Variants in AGAP4 observed in about 807,000 individuals in gnomAD.
The protein encoded by AGAP4 is ArfGAP with GTPase domain, ankyrin repeat and PH domain 4.
In AGAP4, 13 loss-of-function variants were observed where a neutral mutation model predicts 60.7. The observed-to-expected ratio is 0.21, with a 90% CI of 0.14 to 0.34. The LOEUF is 0.34. Ranked by LOEUF, AGAP4 falls within the 10% of genes least tolerant of loss-of-function variation. AGAP4 has a pLI of 1.00. For synonymous variants in AGAP4, 70 were observed against 339.0 expected, an observed-to-expected ratio of 0.21 and a Z score of 8.72; for missense variants, 169 against 884.0, an observed-to-expected ratio of 0.19 and a Z score of 10.26.
At chr10:45,854,318 C>T (rs1309390524), upstream of AGAP4, 1 of 155,100 alleles carries the variant, frequency 6.4e-6, no homozygotes, top group Non-Finnish European at 1.4e-5. Context: ...CACTAATCCC[C>T]TCATTTTCTC....
intron 1 of AGAP4, chr10:45,853,585 T>C: frequency 7.9e-7 from 1 of 1,269,114 alleles, no homozygotes; most frequent in Non-Finnish European, 1.0e-6. Context: ...ATTGTGCAAT[T>C]ATCATTCTAC....
chr10:45,838,027 C>A (rs1292033917), intron 4 of AGAP4, among the ~76,000 whole-genome samples: 2 of 150,950 alleles, frequency 1.3e-5, no homozygotes, highest in Non-Finnish European at 2.9e-5. Flanking sequence ...AATATGGAAC[C>A]AGCTCAAATG....
Position 45,825,888 on chromosome 10 carries a change from G to C in AGAP4, c.*27C>G, listed in dbSNP as rs2058636738. The C allele has an allele frequency of 7.6e-7, 1 of 1,316,514 alleles. No individual in the cohort carries two copies. Among genetic ancestry groups the C allele is most frequent in the Non-Finnish European group, 1.0e-6 (1 of 973,716 alleles). The allele number at this position is 1,316,514 out of a possible 1,614,324, so 81.6% of individuals were successfully genotyped here. A position where few individuals can be genotyped will look rare whatever the true frequency, so the allele number is the denominator to read the frequency against. On this transcript the variant is annotated 3_prime_UTR_variant, in exon 8 of 8. Transcript: ENST00000616763. ...TTTTCCCATTTTGTTTTTGCACCAA[G>C]GAGACTGCAGTCAAATAAAACAGAT...
chr10:45,847,636 C>T (rs1325778320), upstream of AGAP4: 1 of 1,385,444 alleles, frequency 7.2e-7, no homozygotes, highest in Non-Finnish European at 9.4e-7. Flanking sequence ...CCAACAAGTG[C>T]TGAGAGACAC....
chr10:45,853,686 T>G (rs1273603175), exon 1 of AGAP4: 6 of 1,287,610 alleles, frequency 4.7e-6, no homozygotes, highest in Non-Finnish European at 5.1e-6. Context: ...CCAGAAGCCC[T>G]TTGGATGTTG....
Position 45,826,920 on chromosome 10 carries a change from G to C in AGAP4, c.1056C>G (p.Cys352Trp). ...GKWPSLATSA[C>W]TPISTSKSNG... is the part of the protein sequence containing the mutation. Reference sequence around the variant, plus strand: ...TGCTTTTAGAGGTGGAGATGGGTGTGCAGGCCGATGTGGCTAGGGATGGCC... The same window carrying C: ...TGCTTTTAGAGGTGGAGATGGGTGTCCAGGCCGATGTGGCTAGGGATGGCC... The change falls in exon 8 of 8, where the codon TGC becomes TGG. Residue 352 changes from cysteine to tryptophan, a missense_variant. Physicochemically the swap from Cys to Trp is radical, Grantham distance 215 (BLOSUM62 -2). Transcript: ENST00000616763. The C allele has an allele frequency of 7.4e-7, 1 of 1,351,182 alleles. No homozygotes were observed. Among genetic ancestry groups the C allele is most frequent in the Admixed American group, 1.8e-5 (1 of 55,612 alleles). The allele number at this position is 1,351,182 out of a possible 1,614,324, so 83.7% of individuals were successfully genotyped here.
At position 45,844,950 on chromosome 10, in the gene AGAP4, G is replaced by T. The variant is rs551340471; in HGVS notation, c.293-556C>A. Among the ~76,000 whole-genome samples the T allele has an allele frequency of 1.7e-5, 2 of 116,618 alleles. 1 individual carries two copies. Among genetic ancestry groups the T allele is most frequent in the Non-Finnish European group, 3.8e-5 (2 of 53,242 alleles). The allele number at this position is 116,618 out of a possible 152,430, so 76.5% of individuals were successfully genotyped here. ...CATTTCTTCGTTAGCAACACATAGG[G>T]AGAACATACACAGGCCTTATTTGTA... On this transcript the variant is annotated intron_variant, in intron 2 of 7. Transcript: ENST00000616763.
chr10:45,830,440 G>A (rs1314481297), intron 6 of AGAP4, among the ~76,000 whole-genome samples: 8 of 124,128 alleles, frequency 6.4e-5, no homozygotes, highest in African/African-American at 2.4e-4. Context: ...CCAAAATGCT[G>A]GGATTACAGG....
Position 45,830,823 on chromosome 10 carries a change from T to A in AGAP4, c.533+571A>T, listed in dbSNP as rs1232449758. On this transcript the variant is annotated intron_variant, in intron 6 of 7. Coordinates refer to ENST00000616763, the MANE Select transcript of AGAP4 (RefSeq NM_001276343.3). ...TTAAAGCAAATTGCAAAGAAAGCTC[T>A]AGAGAATCCATTTGTCTCCTATTAA... Among the ~76,000 whole-genome samples the A allele has an allele frequency of 2.4e-5, 3 of 126,100 alleles. No homozygotes were observed. The East Asian group carries it at 7.1e-4, about 30-fold the overall frequency. The allele number at this position is 126,100 out of a possible 152,430, so 82.7% of individuals were successfully genotyped here.
intron 4 of AGAP4, among the ~76,000 whole-genome samples, chr10:45,834,994 C>G (rs1269166269): frequency 6.8e-6 from 1 of 146,406 alleles, no homozygotes; most frequent in East Asian, 2.0e-4. Context: ...AGGATGGTCT[C>G]GATCTCCTCA....
intron 4 of AGAP4, among the ~76,000 whole-genome samples, chr10:45,838,817 A>C (rs1241445566): frequency 1.3e-5 from 2 of 151,730 alleles, no homozygotes; most frequent in South Asian, 2.1e-4. Flanking sequence ...AATTAACTTA[A>C]ATATTTCTAA....
At chr10:45,853,688 T>C in exon 1 of AGAP4, 1 of 1,287,758 alleles carries the variant, frequency 7.8e-7, no homozygotes, top group South Asian at 1.2e-5. Flanking sequence ...AGAAGCCCTT[T>C]GGATGTTGGT....
At chr10:45,832,358 C>A (rs1276777481) in intron 5 of AGAP4, among the ~76,000 whole-genome samples, 1 of 149,758 alleles carries the variant, frequency 6.7e-6, no homozygotes, top group Middle Eastern at 3.5e-3. Context: ...AAGGTCCCAC[C>A]AAATTGGAGC....
At chr10:45,832,012 A>T (rs1256082483) in intron 5 of AGAP4, among the ~76,000 whole-genome samples, 1 of 137,462 alleles carries the variant, frequency 7.3e-6, no homozygotes, top group East Asian at 2.1e-4. Context: ...CAGGTTCAAG[A>T]GATTCTCCTG....
intron 6 of AGAP4, among the ~76,000 whole-genome samples, chr10:45,830,732 G>A (rs1180393202): frequency 0.14 from 15,991 of 111,396 alleles, 1,144 homozygotes; most frequent in African/African-American, 0.33. Context: ...TGATCCGCCC[G>A]CCTCAGCCTC....
At chr10:45,829,891 T>C (rs75082726) in intron 6 of AGAP4, among the ~76,000 whole-genome samples, 17,626 of 149,250 alleles carry the variant, frequency 0.12, 1,720 homozygotes, top group Non-Finnish European at 0.15. Flanking sequence ...CTAAAAGTGA[T>C]TTTTGACACA....
At chr10:45,830,470 C>G (rs575520410) in intron 6 of AGAP4, among the ~76,000 whole-genome samples, 1 of 105,236 alleles carries the variant, frequency 9.5e-6, no homozygotes, top group Admixed American at 8.5e-5. Flanking sequence ...CTGCGCCCCA[C>G]CAGCTTATTG....
In AGAP4 at chr10:45,842,730, A is replaced by G. The variant is rs1435549465; in HGVS notation, c.362-1043T>C. On this transcript the variant is annotated intron_variant, in intron 3 of 7. Coordinates refer to ENST00000616763, the MANE Select transcript of AGAP4 (RefSeq NM_001276343.3). ...GAGGGCCTTGTAGGCAAAAGTTACTACCACTGAAGAGTGAGGGACATGGAA... is the reference window on the plus strand; with the variant it reads ...GAGGGCCTTGTAGGCAAAAGTTACTGCCACTGAAGAGTGAGGGACATGGAA... 8.2e-5 allele frequency among the ~76,000 whole-genome samples: 11 copies of G among 133,824 alleles called. No individual in the cohort carries two copies. In the South Asian group the frequency reaches 2.8e-3, roughly 34 times the overall value. 87.8% of individuals were successfully genotyped at this position (133,824 alleles called of 152,430 possible).
chr10:45,842,599 A>T (rs1459994555), intron 3 of AGAP4, among the ~76,000 whole-genome samples: 29 of 149,040 alleles, frequency 1.9e-4, no homozygotes, highest in Admixed American at 4.6e-4. Context: ...TGTCTGCAGC[A>T]CAAAAAATCA....
Sources: gnomAD v4.1 joint callset for allele counts (sites outside exome capture counted in the v4.1 genomes callset) on GRCh38, gnomAD v4.1.1 for gene constraint, MANE v1.5 for transcripts, NCBI Gene and HGNC (gene_info 2026-07-23, HGNC 2026-07-21) for gene names.